The following ZCWPW2 variants were observed in gnomAD, a reference collection of about 807,000 sequenced individuals.
ZCWPW2 encodes zinc finger CW-type PWWP domain protein 2.
A neutral mutation model predicts 46.6 loss-of-function variants in ZCWPW2; 45 were observed. The observed-to-expected ratio is 0.96, with a 90% CI of 0.76 to 1.24. ZCWPW2 has a LOEUF of 1.24. ZCWPW2 is among the 50% of genes most tolerant of loss of function. The pLI is 0.00. For synonymous variants in ZCWPW2, 152 were observed against 137.1 expected, an observed-to-expected ratio of 1.11 and a Z score of -0.76; for missense variants, 429 against 403.9, an observed-to-expected ratio of 1.06 and a Z score of -0.53.
chr3:28,501,335 G>A (rs1172553377), intron 6 of ZCWPW2, among the ~76,000 whole-genome samples: 1 of 152,106 alleles, frequency 6.6e-6, no homozygotes, highest in Non-Finnish European at 1.5e-5. Flanking sequence ...CAGATTGACT[G>A]GGACCCTTGT....
chr3:28,360,551 G>C (rs1013409336), intron 1 of ZCWPW2, among the ~76,000 whole-genome samples: 1 of 150,704 alleles, frequency 6.6e-6, no homozygotes. Flanking sequence ...CTGTTTGTAT[G>C]CATCTAAAGA....
At chr3:28,461,861 A>C (rs1240927315) in intron 4 of ZCWPW2, 1 of 152,226 alleles carries the variant, frequency 6.6e-6, no homozygotes, top group Non-Finnish European at 1.5e-5. Context: ...GTTAAGAAGT[A>C]GAATACCAAG....
intron 4 of ZCWPW2, among the ~76,000 whole-genome samples, chr3:28,465,832 A>C (rs1698800880): frequency 6.6e-6 from 1 of 152,202 alleles, no homozygotes; most frequent in African/African-American, 2.4e-5. Flanking sequence ...AAAATTCAGT[A>C]GTGTGTCAGG....
intron 6 of ZCWPW2, among the ~76,000 whole-genome samples, chr3:28,503,650 T>A (rs1214951805): frequency 6.6e-6 from 1 of 151,904 alleles, no homozygotes; most frequent in Non-Finnish European, 1.5e-5. Context: ...CTATTCTGCT[T>A]GCAAAGGGGA....
chr3:28,375,810 G>T (rs1705483809), intron 1 of ZCWPW2, among the ~76,000 whole-genome samples: 1 of 148,002 alleles, frequency 6.8e-6, no homozygotes, highest in Non-Finnish European at 1.5e-5. Flanking sequence ...CCTAACTTCT[G>T]GCAACCATTC....
At chr3:28,480,179 C>T (rs1699379104) in intron 5 of ZCWPW2, among the ~76,000 whole-genome samples, 1 of 152,176 alleles carries the variant, frequency 6.6e-6, no homozygotes, top group African/African-American at 2.4e-5. Context: ...AATTTACACT[C>T]CTACCAACAG....
intron 3 of ZCWPW2, 99 bp from the exon 4 acceptor site, chr3:28,435,011 T>C: frequency 7.4e-7 from 1 of 1,342,306 alleles, no homozygotes; most frequent in Non-Finnish European, 1.0e-6. Context: ...TGAAAAGGCA[T>C]TAAAATTCAA....
intron 2 of ZCWPW2, among the ~76,000 whole-genome samples, chr3:28,402,514 C>G (rs1277900757): frequency 6.6e-6 from 1 of 152,060 alleles, no homozygotes; most frequent in Non-Finnish European, 1.5e-5. Context: ...CACTATTTCA[C>G]AAGATAAAGA....
chr3:28,384,876 A>G lies in ZCWPW2; in HGVS notation c.-133-5622A>G, dbSNP rs1161252374. Among the ~76,000 whole-genome samples the G allele has an allele frequency of 1.9e-4, 29 of 152,086 alleles. 1 individual carries two copies. The highest frequency in any genetic ancestry group is 1.9e-3 in the Admixed American group (29 of 15,262). On this transcript the variant is annotated intron_variant, in intron 1 of 9. Coordinates refer to ENST00000383768, the MANE Select transcript of ZCWPW2 (RefSeq NM_001040432.4). ...AGTGATCCACCCGCCTTGGCCTCCC[A>G]AAGTGTTGGGATTACAGGCGTGAGC...
intron 2 of ZCWPW2, among the ~76,000 whole-genome samples, chr3:28,398,950 G>A (rs964482810): frequency 1.2e-4 from 18 of 152,332 alleles, no homozygotes; most frequent in African/African-American, 4.3e-4. Context: ...AGAACTCAGA[G>A]GAGGGCATGA....
chr3:28,450,437 G>A (rs1436189948), intron 4 of ZCWPW2, among the ~76,000 whole-genome samples: 1 of 152,142 alleles, frequency 6.6e-6, no homozygotes, highest in Non-Finnish European at 1.5e-5. Flanking sequence ...TTGACTTAAT[G>A]TTTATAGCAT....
intron 3 of ZCWPW2, among the ~76,000 whole-genome samples, chr3:28,431,066 A>C (rs1697234557): frequency 6.6e-6 from 1 of 152,178 alleles, no homozygotes; most frequent in Non-Finnish European, 1.5e-5. Flanking sequence ...AATTTAACAG[A>C]TTAATAACCT....
chr3:28,370,646 C>A (rs1705299441), intron 1 of ZCWPW2, among the ~76,000 whole-genome samples: 1 of 152,196 alleles, frequency 6.6e-6, no homozygotes, highest in South Asian at 2.1e-4. Flanking sequence ...ATGTTGGTTA[C>A]ATGACTATAT....
chr3:28,522,069 A>T (rs574926000), intron 9 of ZCWPW2, among the ~76,000 whole-genome samples: 4 of 152,250 alleles, frequency 2.6e-5, no homozygotes, highest in Admixed American at 1.3e-4. Context: ...AACAATGAGA[A>T]CACTTGGACA....
chr3:28,402,034 A>T (rs1265148809), intron 2 of ZCWPW2, among the ~76,000 whole-genome samples: 1 of 151,536 alleles, frequency 6.6e-6, no homozygotes, highest in African/African-American at 2.4e-5. Context: ...TAAGAAAAAA[A>T]CCCAAACCAA....
chr3:28,431,653 G>T (rs1056270056), intron 3 of ZCWPW2, among the ~76,000 whole-genome samples: 9 of 152,236 alleles, frequency 5.9e-5, no homozygotes, highest in Admixed American at 5.9e-4. Flanking sequence ...ACAAAATTCA[G>T]CCCATAATGA....
intron 4 of ZCWPW2, among the ~76,000 whole-genome samples, chr3:28,457,816 T>C (rs1262695446): frequency 6.6e-6 from 1 of 152,188 alleles, no homozygotes; most frequent in Non-Finnish European, 1.5e-5. Context: ...GAAAGCAGAA[T>C]ATATAAAATA....
intron 4 of ZCWPW2, among the ~76,000 whole-genome samples, chr3:28,455,194 G>C (rs901451848): frequency 6.6e-6 from 1 of 152,076 alleles, no homozygotes; most frequent in Non-Finnish European, 1.5e-5. Context: ...GTGTGAGATG[G>C]TCCCTCATTG....
chr3:28,393,652 T>A (rs540991873), intron 2 of ZCWPW2, among the ~76,000 whole-genome samples: 23 of 152,236 alleles, frequency 1.5e-4, no homozygotes, highest in African/African-American at 5.3e-4. Flanking sequence ...AATGAATAAA[T>A]GTTATATGCC....
Sources: allele counts gnomAD v4.1 joint callset (sites outside exome capture counted in the v4.1 genomes callset), GRCh38; gene constraint gnomAD v4.1.1; transcripts MANE v1.5; gene names NCBI Gene and HGNC (gene_info 2026-07-23, HGNC 2026-07-21).